The following RORB variants were observed in gnomAD, a reference collection of about 807,000 sequenced individuals.
RORB encodes the protein RAR related orphan receptor B.
In RORB, 6 loss-of-function variants were observed where a neutral mutation model predicts 59.1. The observed-to-expected ratio is 0.10, with a 90% CI of 0.06 to 0.20. The LOEUF (loss-of-function observed/expected upper bound fraction) is 0.20, where lower values mean the gene tolerates loss of function less well. Ranked by LOEUF, RORB falls within the 10% of genes least tolerant of loss-of-function variation. RORB has a pLI of 1.00. For synonymous variants in RORB, 215 were observed against 204.5 expected, an observed-to-expected ratio of 1.05 and a Z score of -0.44; for missense variants, 320 against 560.5, an observed-to-expected ratio of 0.57 and a Z score of 4.33.
intron 4 of RORB, among the ~76,000 whole-genome samples, chr9:74,645,953 A>G (rs899790855): frequency 6.6e-6 from 1 of 152,146 alleles, no homozygotes; most frequent in African/African-American, 2.4e-5. Flanking sequence ...CCTTCTAGGC[A>G]CTACAAACTG....
chr9:74,660,071 A>G (rs1003037246), intron 4 of RORB, among the ~76,000 whole-genome samples: 1 of 152,182 alleles, frequency 6.6e-6, no homozygotes, highest in Non-Finnish European at 1.5e-5. Context: ...AATCTACAAA[A>G]ATAGTATTAT....
chr9:74,615,688 ATCC>A (rs1402248112), intron 1 of RORB: 1 of 418,994 alleles, frequency 2.4e-6, no homozygotes, highest in South Asian at 1.7e-5. Context: ...TGTATGGACC[ATCC>A]TCCAGGCAAG....
At chr9:74,656,155 G>A (rs575918534) in intron 4 of RORB, among the ~76,000 whole-genome samples, 19 of 152,150 alleles carry the variant, frequency 1.2e-4, no homozygotes, top group African/African-American at 4.1e-4. Context: ...GACAACTGAA[G>A]GAAGGAAGAA....
intron 8 of RORB, among the ~76,000 whole-genome samples, chr9:74,670,023 AAC>A (rs1030670255): frequency 4.0e-5 from 6 of 151,410 alleles, no homozygotes; most frequent in African/African-American, 1.5e-4. Flanking sequence ...TGTTTTTACT[AAC>A]AGTTTCTTTT....
At chr9:74,638,681 A>T (rs1823743399) in intron 3 of RORB, among the ~76,000 whole-genome samples, 1 of 152,252 alleles carries the variant, frequency 6.6e-6, no homozygotes, top group Non-Finnish European at 1.5e-5. Flanking sequence ...AAATGTATTT[A>T]CAAACAGTGA....
At chr9:74,512,342 G>T (rs1287321165) in intron 1 of RORB, among the ~76,000 whole-genome samples, 3 of 152,144 alleles carry the variant, frequency 2.0e-5, no homozygotes, top group Non-Finnish European at 4.4e-5. Flanking sequence ...TTGTGGGAAT[G>T]CTTTAAATAT....
At chr9:74,593,674 G>C (rs1822933463) in intron 1 of RORB, among the ~76,000 whole-genome samples, 1 of 152,110 alleles carries the variant, frequency 6.6e-6, no homozygotes, top group African/African-American at 2.4e-5. Context: ...TCCATAAGAA[G>C]GGGTGAATTG....
chr9:74,528,264 G>A (rs1241689795), intron 1 of RORB, among the ~76,000 whole-genome samples: 1 of 151,988 alleles, frequency 6.6e-6, no homozygotes, highest in Non-Finnish European at 1.5e-5. Context: ...CACTTTTAAA[G>A]TGCAGTTATT....
rs1417804142 is a variant in RORB at position 74,594,191 on chromosome 9, C to T, written c.8-36091C>T. ...AATTGACTGAAATAAGGAACATTTA[C>T]CCTGATGAGCCCTGAGTTATCCATA... On this transcript the variant is annotated intron_variant, in intron 1 of 9. Coordinates refer to ENST00000376896, the MANE Select transcript of RORB (RefSeq NM_006914.4). 2.6e-5 allele frequency among the ~76,000 whole-genome samples: 4 copies of T among 152,264 alleles called. No homozygotes were observed. The South Asian group carries it at 6.2e-4, about 24-fold the overall frequency.
At chr9:74,604,655 G>A (rs1254391775) in intron 1 of RORB, among the ~76,000 whole-genome samples, 2 of 152,144 alleles carry the variant, frequency 1.3e-5, no homozygotes, top group Non-Finnish European at 2.9e-5. Context: ...GTGTAGTGGT[G>A]TTAAATAGCA....
intron 1 of RORB, among the ~76,000 whole-genome samples, chr9:74,614,324 G>A (rs961837490): frequency 2.6e-5 from 4 of 152,020 alleles, no homozygotes; most frequent in African/African-American, 9.7e-5. Flanking sequence ...ATACCTTTGT[G>A]TATGTTATGA....
At chr9:74,600,745 T>C (rs1823042372) in intron 1 of RORB, among the ~76,000 whole-genome samples, 1 of 152,244 alleles carries the variant, frequency 6.6e-6, no homozygotes, top group Non-Finnish European at 1.5e-5. Context: ...TCCTATTTTA[T>C]CAGTACATCT....
At chr9:74,682,865 T>C (rs2118577340) in intron 9 of RORB, among the ~76,000 whole-genome samples, 1 of 152,328 alleles carries the variant, frequency 6.6e-6, no homozygotes, top group South Asian at 2.1e-4. Flanking sequence ...TAGTTGGGAT[T>C]ACAGATCTGA....
At chr9:74,682,895 C>G (rs1032516020) in intron 9 of RORB, among the ~76,000 whole-genome samples, 2 of 152,164 alleles carry the variant, frequency 1.3e-5, no homozygotes, top group African/African-American at 4.8e-5. Flanking sequence ...CCTGGCTCAA[C>G]TTTTCAATTC....
intron 1 of RORB, among the ~76,000 whole-genome samples, chr9:74,536,632 G>A (rs1018658647): frequency 2.6e-4 from 40 of 151,910 alleles, no homozygotes; most frequent in African/African-American, 9.2e-4. Flanking sequence ...TGACTGTCCC[G>A]TAGCAATAAG....
intron 4 of RORB, among the ~76,000 whole-genome samples, chr9:74,645,642 A>G (rs1823884520): frequency 6.6e-6 from 1 of 152,206 alleles, no homozygotes; most frequent in Non-Finnish European, 1.5e-5. Flanking sequence ...TGGTTATTGC[A>G]GATAATATAA....
intron 9 of RORB, among the ~76,000 whole-genome samples, chr9:74,684,247 G>A (rs2118580458): frequency 6.6e-6 from 1 of 152,254 alleles, no homozygotes; most frequent in Non-Finnish European, 1.5e-5. Flanking sequence ...AAACCACAAG[G>A]CAACTAATTA....
chr9:74,604,967 C>G (rs1239674488), intron 1 of RORB, among the ~76,000 whole-genome samples: 11 of 152,164 alleles, frequency 7.2e-5, no homozygotes, highest in Non-Finnish European at 1.3e-4. Context: ...AAATTGTATT[C>G]ACATTCAGTA....
chr9:74,524,607 T>C (rs1231443628), intron 1 of RORB, among the ~76,000 whole-genome samples: 2 of 152,022 alleles, frequency 1.3e-5, no homozygotes. Flanking sequence ...GTTCAAAATA[T>C]GCCTGTGGTA....
Sources: allele counts gnomAD v4.1 joint callset (sites outside exome capture counted in the v4.1 genomes callset), GRCh38; gene constraint gnomAD v4.1.1; transcripts MANE v1.5; gene names NCBI Gene and HGNC (gene_info 2026-07-23, HGNC 2026-07-21).